The following WNT3A variants were observed in gnomAD, a reference collection of about 807,000 sequenced individuals.
The protein encoded by WNT3A is protein Wnt-3a.
In WNT3A, 17 loss-of-function variants were observed where a neutral mutation model predicts 37.0. That is an observed-to-expected ratio of 0.46 (90% CI 0.31 to 0.69). The LOEUF (loss-of-function observed/expected upper bound fraction) is 0.69, where lower values mean the gene tolerates loss of function less well. Among genes scored for constraint, WNT3A ranks in the 30% least tolerant of loss-of-function variants. The pLI is 0.05. For synonymous variants in WNT3A, 187 were observed against 211.0 expected (o/e 0.89, Z 0.99); for missense variants, 411 against 510.2 (o/e 0.81, Z 1.87).
chr1:228,043,435 C>T (rs949308311), intron 2 of WNT3A, among the ~76,000 whole-genome samples: 1 of 152,228 alleles, frequency 6.6e-6, no homozygotes, highest in Admixed American at 6.5e-5. Flanking sequence ...GGAACTCCGA[C>T]AGTCCACTCT....
In WNT3A at chr1:228,007,112, C is replaced by T. The variant is rs1200781877; in HGVS notation, c.-17C>T. 6.4e-7 allele frequency: 1 copy of T among 1,562,946 alleles called. No individual in the cohort carries two copies. The highest frequency in any genetic ancestry group is 1.4e-5 in the African/African-American group (1 of 70,554). ...CTCGGGGCGGACTCCCGGCCCTCCG[C>T]GCCCTCTCGCGCGGCGATGGCCCCA... is the stretch of plus-strand genomic sequence containing the variant. On this transcript the variant is annotated 5_prime_UTR_variant, in exon 1 of 4. Coordinates refer to ENST00000284523, the MANE Select transcript of WNT3A (RefSeq NM_033131.4). The surrounding 1 kb of genome is among the most constrained non-coding windows in gnomAD (Gnocchi z 6.0).
At chr1:228,020,897 A>AAC (rs1308107104) in intron 1 of WNT3A, among the ~76,000 whole-genome samples, 1 of 152,130 alleles carries the variant, frequency 6.6e-6, no homozygotes, top group Admixed American at 6.5e-5. Context: ...GGGGACCCTG[A>AAC]ACACTGGGAG....
chr1:228,008,991 G>A lies in WNT3A; in HGVS notation c.71+1792G>A, dbSNP rs1368598642. On this transcript the variant is annotated intron_variant, in intron 1 of 3. Coordinates refer to ENST00000284523, the MANE Select transcript of WNT3A (RefSeq NM_033131.4). This position sits in a 1 kb window ranked among gnomAD's most constrained non-coding sequence, Gnocchi z 4.9. ...GAGCCAGGAGGAGCAGAGAAGTGAA[G>A]TCCCTGTACCCTCCGCACCCTCCTA... is the stretch of plus-strand genomic sequence containing the variant. 6.6e-6 allele frequency among the ~76,000 whole-genome samples: 1 copy of A among 152,154 alleles called. No individual in the cohort carries two copies. Among genetic ancestry groups the A allele is most frequent in the African/African-American group, 2.4e-5 (1 of 41,434 alleles).
chr1:228,017,225 C>T (rs1010171879), intron 1 of WNT3A, among the ~76,000 whole-genome samples: 1 of 152,092 alleles, frequency 6.6e-6, no homozygotes, highest in Non-Finnish European at 1.5e-5. Flanking sequence ...AACTAGAGCC[C>T]GTGGGGAGGT....
rs891481842 is a variant in WNT3A, at chr1:228,028,957, GT to G, written c.313+6059del. Among the ~76,000 whole-genome samples, 83 of 149,740 alleles carry G rather than the reference GT, an allele frequency of 5.5e-4. No individual in the cohort carries two copies. In the East Asian group the frequency reaches 5.8e-3, roughly 11 times the overall value. ...GACAGTTCTGAGTTAGGCAAAACGA[GT>G]TTTTTTTTTACCCAGACAGGTTAAA... On this transcript the variant is annotated intron_variant, in intron 2 of 3. Transcript: ENST00000284523.
At chr1:228,028,484 T>A (rs2030909096) in intron 2 of WNT3A, among the ~76,000 whole-genome samples, 1 of 151,776 alleles carries the variant, frequency 6.6e-6, no homozygotes, top group South Asian at 2.1e-4. Context: ...TTTGTTGTTG[T>A]TTTTGTTTTT....
intron 2 of WNT3A, among the ~76,000 whole-genome samples, chr1:228,043,169 A>G (rs2031329013): frequency 6.6e-6 from 1 of 152,368 alleles, no homozygotes; most frequent in East Asian, 1.9e-4. Context: ...TGAGACCACA[A>G]CAAGTTTCTG....
chr1:228,014,067 A>G (rs779367584), intron 1 of WNT3A, among the ~76,000 whole-genome samples: 12 of 152,114 alleles, frequency 7.9e-5, no homozygotes, highest in Non-Finnish European at 1.2e-4. Context: ...TCAGGGCACA[A>G]ATTGCATCCT....
intron 2 of WNT3A, among the ~76,000 whole-genome samples, chr1:228,029,815 G>A (rs2030956456): frequency 6.6e-6 from 1 of 151,844 alleles, no homozygotes; most frequent in Non-Finnish European, 1.5e-5. Context: ...TTGGGAGGTG[G>A]TCAGGTCATG....
intron 3 of WNT3A, among the ~76,000 whole-genome samples, chr1:228,055,182 ATATATATATATATATAT>A (rs2031657812): frequency 4.2e-4 from 11 of 26,106 alleles, no homozygotes; most frequent in African/African-American, 1.5e-3. Flanking sequence ...AAAAAAAAAT[ATATATATATATATATAT>A]ATATATATAT....
intron 3 of WNT3A, among the ~76,000 whole-genome samples, chr1:228,055,179 AATATATATATATATATATATAT>A (rs1180107835): frequency 4.7e-4 from 9 of 19,284 alleles, no homozygotes; most frequent in African/African-American, 2.0e-3. Flanking sequence ...AAAAAAAAAA[AATATATATATATATATATATAT>A]ATATATATAT....
Position 228,059,852 on chromosome 1 carries a change from G to C in WNT3A, c.*387G>C, listed in dbSNP as rs868735950. On this transcript the variant is annotated 3_prime_UTR_variant, in exon 4 of 4. Transcript: ENST00000284523. ...TCCCAGTAAGGGCGTGGCTCTGGGT[G>C]GGCGGGGCACTAGGTAGGCTTCTAC... 1 of 1,066,928 alleles carries C rather than the reference G, an allele frequency of 9.4e-7. No individual in the cohort carries two copies. Among genetic ancestry groups the C allele is most frequent in the Non-Finnish European group, 1.1e-6 (1 of 881,264 alleles). 66.1% of individuals were successfully genotyped at this position (1,066,928 alleles called of 1,614,324 possible).
intron 1 of WNT3A, among the ~76,000 whole-genome samples, chr1:228,010,038 C>T (rs914924460): frequency 1.3e-5 from 2 of 152,216 alleles, no homozygotes; most frequent in Admixed American, 1.3e-4. Flanking sequence ...TATGCATCTG[C>T]CCACCTGCGT....
At chr1:228,024,292 T>C (rs2030802175) in intron 2 of WNT3A, among the ~76,000 whole-genome samples, 1 of 152,226 alleles carries the variant, frequency 6.6e-6, no homozygotes, top group Admixed American at 6.5e-5. Flanking sequence ...CCAGTATTGT[T>C]TGAGGGTTCC....
chr1:228,037,248 C>T lies in WNT3A; in HGVS notation c.314-13408C>T, dbSNP rs530377903. The stretch of plus-strand genomic sequence containing the variant: ...TCTTCAAGCATTTCCAGTCCCCACC[C>T]CCTGCCCTATTCTGTGAACCCCAGG... On this transcript the variant is annotated intron_variant, in intron 2 of 3. Coordinates refer to ENST00000284523, the MANE Select transcript of WNT3A (RefSeq NM_033131.4). This position sits in a 1 kb window ranked among gnomAD's most constrained non-coding sequence, Gnocchi z 4.1. 6.6e-6 allele frequency among the ~76,000 whole-genome samples: 1 copy of T among 152,084 alleles called. No homozygotes were observed. Among genetic ancestry groups the T allele is most frequent in the African/African-American group, 2.4e-5 (1 of 41,386 alleles).
At chr1:228,026,868 G>C (rs989289345) in intron 2 of WNT3A, among the ~76,000 whole-genome samples, 2 of 152,150 alleles carry the variant, frequency 1.3e-5, no homozygotes, top group Non-Finnish European at 1.5e-5. Flanking sequence ...ATTGAGATAG[G>C]GTCTCACTCT....
Position 228,008,941 on chromosome 1 carries a change from G to A in WNT3A, c.71+1742G>A, listed in dbSNP as rs1478265677. Among the ~76,000 whole-genome samples the A allele has an allele frequency of 6.6e-6, 1 of 152,068 alleles. No homozygotes were observed. The highest frequency in any genetic ancestry group is 2.4e-5 in the African/African-American group (1 of 41,384). On this transcript the variant is annotated intron_variant, in intron 1 of 3. Transcript: ENST00000284523. The surrounding 1 kb of genome is among the most constrained non-coding windows in gnomAD (Gnocchi z 4.9). ...CCTGAATGGACCCTGAGACACCCTCGGGGACAGTCAGGCATTCTGCAGGGG... is the reference window on the plus strand; with the variant it reads ...CCTGAATGGACCCTGAGACACCCTCAGGGACAGTCAGGCATTCTGCAGGGG...
chr1:228,035,404 C>T (rs553909908), intron 2 of WNT3A, among the ~76,000 whole-genome samples: 16 of 152,250 alleles, frequency 1.1e-4, no homozygotes, highest in Admixed American at 6.5e-4. Context: ...TTGGGGCTGA[C>T]GTGGGGGTGA....
At chr1:228,009,425 C>CT (rs1279035405) in intron 1 of WNT3A, among the ~76,000 whole-genome samples, 2 of 152,200 alleles carry the variant, frequency 1.3e-5, no homozygotes, top group Non-Finnish European at 1.5e-5. Flanking sequence ...GATTCTCTCT[C>CT]TTTCTCTGGT....
Sources: allele counts gnomAD v4.1 joint callset (sites outside exome capture counted in the v4.1 genomes callset), GRCh38; gene constraint gnomAD v4.1.1; non-coding constraint Gnocchi (gnomAD v3.1); transcripts MANE v1.5; gene names NCBI Gene and HGNC (gene_info 2026-07-23, HGNC 2026-07-21).